The following SPIRE1 variants were observed in gnomAD, a reference collection of about 807,000 sequenced individuals.
SPIRE1 encodes the protein protein spire homolog 1.
Under a neutral mutation model 94.1 loss-of-function variants are expected in SPIRE1, and 40 were observed. The observed-to-expected ratio is 0.43, with a 90% CI of 0.33 to 0.55. The LOEUF is 0.55. Among genes scored for constraint, SPIRE1 ranks in the 20% least tolerant of loss-of-function variants. SPIRE1 has a pLI of 0.06. For synonymous variants in SPIRE1, 376 were observed against 371.7 expected (o/e 1.01, Z -0.13); for missense variants, 838 against 975.2 (o/e 0.86, Z 1.87).
At chr18:12,566,284 C>T (rs1018723932) in intron 2 of SPIRE1, among the ~76,000 whole-genome samples, 5 of 152,052 alleles carry the variant, frequency 3.3e-5, no homozygotes, top group East Asian at 1.9e-4. Context: ...TGCGGTAAGC[C>T]GAGATTGCAA....
intron 2 of SPIRE1, among the ~76,000 whole-genome samples, chr18:12,624,308 T>TGAGGCGG (rs1390650446): frequency 6.6e-6 from 1 of 151,620 alleles, no homozygotes; most frequent in Admixed American, 6.6e-5. Context: ...TTTGGGAGGC[T>TGAGGCGG]GAGGCGGGTG....
intron 3 of SPIRE1, among the ~76,000 whole-genome samples, chr18:12,540,788 T>C (rs1343288416): frequency 1.3e-5 from 2 of 152,260 alleles, no homozygotes; most frequent in Non-Finnish European, 2.9e-5. Flanking sequence ...GCTTCAGTTA[T>C]CTATGGTCAA....
intron 2 of SPIRE1, among the ~76,000 whole-genome samples, chr18:12,549,439 G>GTTGTTTTTTTTTTTTTTTTTTTTTTT (rs2035276295): frequency 2.4e-5 from 1 of 41,248 alleles, no homozygotes. Context: ...TGTTATTGTT[G>GTTGTTTTTTTTTTTTTTTTTTTTTTT]TTTTTTTTTT....
chr18:12,616,404 G>A (rs2144714767), intron 2 of SPIRE1, among the ~76,000 whole-genome samples: 1 of 152,242 alleles, frequency 6.6e-6, no homozygotes. Flanking sequence ...GAGAAGGGAG[G>A]ATAAAAGACA....
chr18:12,462,142 A>G (rs2031889758), intron 12 of SPIRE1, among the ~76,000 whole-genome samples: 1 of 152,190 alleles, frequency 6.6e-6, no homozygotes, highest in South Asian at 2.1e-4. Context: ...CCTATCAGGA[A>G]TCGCCATAAA....
At chr18:12,631,856 C>T (rs1381203857) in intron 2 of SPIRE1, among the ~76,000 whole-genome samples, 3 of 152,072 alleles carry the variant, frequency 2.0e-5, no homozygotes, top group African/African-American at 4.8e-5. Flanking sequence ...CAGAGTGAGA[C>T]TCTGTCTCAA....
intron 4 of SPIRE1, among the ~76,000 whole-genome samples, chr18:12,520,521 G>A (rs1371074277): frequency 9.9e-5 from 15 of 152,148 alleles, no homozygotes; most frequent in Admixed American, 9.2e-4. Flanking sequence ...CCTCCCTGAT[G>A]AGACACCAGT....
intron 5 of SPIRE1, among the ~76,000 whole-genome samples, chr18:12,509,914 G>GCCA (rs2033972701): frequency 6.6e-6 from 1 of 151,892 alleles, no homozygotes; most frequent in Non-Finnish European, 1.5e-5. Context: ...GTGAAACCCT[G>GCCA]TCTCTACTAA....
intron 2 of SPIRE1, among the ~76,000 whole-genome samples, chr18:12,554,316 A>G (rs1317660203): frequency 4.0e-5 from 6 of 151,044 alleles, no homozygotes; most frequent in Non-Finnish European, 7.4e-5. Context: ...AAAAAAAAAA[A>G]GAACTGATAC....
intron 2 of SPIRE1, among the ~76,000 whole-genome samples, chr18:12,550,763 C>T (rs1411780507): frequency 6.6e-6 from 1 of 152,146 alleles, no homozygotes; most frequent in East Asian, 1.9e-4. Context: ...AAATCACAAA[C>T]AATCTCTATA....
upstream of SPIRE1, among the ~76,000 whole-genome samples, chr18:12,659,359 A>C (rs1203334503): frequency 3.9e-5 from 6 of 152,168 alleles, no homozygotes; most frequent in African/African-American, 1.4e-4. Context: ...CAACAGGACG[A>C]AAAGGAAAAT....
intron 1 of SPIRE1, among the ~76,000 whole-genome samples, chr18:12,651,700 T>A (rs1014288608): frequency 1.2e-4 from 18 of 152,150 alleles, no homozygotes; most frequent in African/African-American, 3.4e-4. Context: ...AAAAACATAT[T>A]TTTTCACTAT....
At chr18:12,500,383 G>C (rs1311456079) in intron 6 of SPIRE1, among the ~76,000 whole-genome samples, 1 of 152,082 alleles carries the variant, frequency 6.6e-6, no homozygotes, top group Non-Finnish European at 1.5e-5. Context: ...GAATCATCAG[G>C]GAAATGCAAA....
Position 12,449,527 on chromosome 18 carries a change from T to C in SPIRE1, c.*111A>G. 1 of 1,134,868 alleles carries C rather than the reference T, an allele frequency of 8.8e-7. No individual in the cohort carries two copies. The allele number at this position is 1,134,868 out of a possible 1,614,324, so 70.3% of individuals were successfully genotyped here. A position where few individuals can be genotyped will look rare whatever the true frequency, so the allele number is the denominator to read the frequency against. On this transcript the variant is annotated 3_prime_UTR_variant, in exon 17 of 17. Coordinates refer to ENST00000409402, the MANE Select transcript of SPIRE1 (RefSeq NM_001128626.2). ...GTGATGCGGCAAAAATCTGATCTAA[T>C]GCAAATTCAAGCCCATTAAATAAAA...
chr18:12,543,957 C>T (rs12961695), intron 3 of SPIRE1, among the ~76,000 whole-genome samples: 81,626 of 151,936 alleles, frequency 0.54, 23,128 homozygotes, highest in Middle Eastern at 0.73. Flanking sequence ...TTTTATAATA[C>T]TTTAAAATTT....
intron 2 of SPIRE1, among the ~76,000 whole-genome samples, chr18:12,596,781 A>T (rs17616124): frequency 0.073 from 11,185 of 152,290 alleles, 576 homozygotes; most frequent in Non-Finnish European, 0.11. Flanking sequence ...GACAAAATAC[A>T]GTTGGGAAAT....
At chr18:12,469,119 A>C (rs935426329) in intron 10 of SPIRE1, among the ~76,000 whole-genome samples, 1 of 152,168 alleles carries the variant, frequency 6.6e-6, no homozygotes, top group African/African-American at 2.4e-5. Context: ...GTAACACTAA[A>C]AATTTGCAGA....
At chr18:12,459,895 G>T (rs2031703207) in intron 12 of SPIRE1, 9 of 985,882 alleles carry the variant, frequency 9.1e-6, no homozygotes, top group Non-Finnish European at 9.6e-6. Context: ...GGTCGAAAAG[G>T]CGTCCTTGGC....
chr18:12,657,412 C>G (rs1230988231), intron 1 of SPIRE1, 118 bp downstream of exon 1: 1 of 848,132 alleles, frequency 1.2e-6, no homozygotes, highest in East Asian at 3.6e-5. Flanking sequence ...TCCCGGGGGT[C>G]TCCCGTGGCA....
Sources: allele counts gnomAD v4.1 joint callset (sites outside exome capture counted in the v4.1 genomes callset), GRCh38; gene constraint gnomAD v4.1.1; transcripts MANE v1.5; gene names NCBI Gene and HGNC (gene_info 2026-07-23, HGNC 2026-07-21).